Variants in XKR6 observed in about 807,000 individuals in gnomAD.
XKR6 encodes the protein XK-related protein 6.
Under a neutral mutation model 56.7 loss-of-function variants are expected in XKR6, and 22 were observed. That is an observed-to-expected ratio of 0.39 (90% CI 0.28 to 0.55). The LOEUF (loss-of-function observed/expected upper bound fraction) is 0.55. XKR6 is among the 20% of genes least tolerant of loss of function. XKR6 has a pLI of 0.66. For missense variants in XKR6, 852 were observed against 889.0 expected (o/e 0.96, Z 0.53); for synonymous variants, 524 against 387.8 (o/e 1.35, Z -4.13).
At chr8:11,026,529 T>G (rs1236854739) in intron 1 of XKR6, among the ~76,000 whole-genome samples, 1 of 150,872 alleles carries the variant, frequency 6.6e-6, no homozygotes, top group Non-Finnish European at 1.5e-5. Flanking sequence ...TGGTCTAGCC[T>G]ACTACACACC....
intron 1 of XKR6, among the ~76,000 whole-genome samples, chr8:11,002,028 C>T (rs556261969): frequency 4.6e-5 from 7 of 151,796 alleles, no homozygotes; most frequent in African/African-American, 1.5e-4. Flanking sequence ...TTAGGAAATG[C>T]CCTAAGAAGA....
intron 1 of XKR6, among the ~76,000 whole-genome samples, chr8:10,964,726 G>A (rs1802165499): frequency 6.6e-6 from 1 of 152,164 alleles, no homozygotes; most frequent in South Asian, 2.1e-4. Context: ...CCTGGTCAGG[G>A]CAGGGGCCCC....
At chr8:10,931,593 A>G (rs936272926) in intron 1 of XKR6, among the ~76,000 whole-genome samples, 6 of 152,196 alleles carry the variant, frequency 3.9e-5, no homozygotes, top group Non-Finnish European at 7.4e-5. Context: ...CCGGAAGAAG[A>G]CCCATATAAT....
intron 1 of XKR6, among the ~76,000 whole-genome samples, chr8:11,086,146 A>ATTTT (rs1341128866): frequency 1.7e-5 from 2 of 116,520 alleles, no homozygotes; most frequent in African/African-American, 4.1e-5. Context: ...ATATATATAT[A>ATTTT]TATTTTTTTT....
intron 1 of XKR6, among the ~76,000 whole-genome samples, chr8:10,975,257 C>A (rs982493576): frequency 1.3e-5 from 2 of 152,204 alleles, no homozygotes; most frequent in African/African-American, 2.4e-5. Context: ...TGGGTGGCAC[C>A]ATCCCAGGCT....
At chr8:11,121,748 C>T (rs1039116345) in intron 1 of XKR6, among the ~76,000 whole-genome samples, 20 of 152,232 alleles carry the variant, frequency 1.3e-4, no homozygotes, top group East Asian at 3.9e-4. Flanking sequence ...ATGTTTATTG[C>T]GGCACTATTC....
chr8:10,944,750 A>T (rs949680461), intron 1 of XKR6, among the ~76,000 whole-genome samples: 2 of 152,184 alleles, frequency 1.3e-5, no homozygotes, highest in Admixed American at 1.3e-4. Context: ...ACCCTAGAGC[A>T]GAGATGCCTT....
chr8:10,915,701 T>C (rs960762871), intron 2 of XKR6, among the ~76,000 whole-genome samples: 6 of 152,130 alleles, frequency 3.9e-5, no homozygotes, highest in African/African-American at 1.4e-4. Flanking sequence ...AAGAAGCCGT[T>C]TGGAGCTAGA....
intron 1 of XKR6, among the ~76,000 whole-genome samples, chr8:11,047,366 T>A (rs1390022960): frequency 6.6e-6 from 1 of 152,226 alleles, no homozygotes; most frequent in Non-Finnish European, 1.5e-5. Context: ...AATATTTTAT[T>A]TTTCAATTTT....
rs1434597175 is a variant in XKR6 at position 11,114,771 on chromosome 8, G to GTA, written c.764+85804_764+85805insTA. Among the ~76,000 whole-genome samples, 27 of 81,298 alleles carry GTA rather than the reference G, an allele frequency of 3.3e-4. 1 individual carries two copies. The highest frequency in any genetic ancestry group is 6.6e-4 in the African/African-American group (19 of 28,628). 53.3% of individuals were successfully genotyped at this position (81,298 alleles called of 152,430 possible). A position where few individuals can be genotyped will look rare whatever the true frequency, so the allele number is the denominator to read the frequency against. On this transcript the variant is annotated intron_variant, in intron 1 of 2. Coordinates refer to ENST00000416569, the MANE Select transcript of XKR6 (RefSeq NM_173683.4). ...TGTGTGTGTGTGTGTGTGTGTGTGT[G>GTA]TGTATGTGCCAGGGCAAGAAAGGTC...
intron 1 of XKR6, among the ~76,000 whole-genome samples, chr8:10,987,151 G>A (rs932936215): frequency 2.6e-5 from 4 of 152,180 alleles, no homozygotes; most frequent in Admixed American, 6.5e-5. Context: ...AGAAAGTAAT[G>A]TTTAAGCAGC....
intron 1 of XKR6, among the ~76,000 whole-genome samples, chr8:11,180,104 C>G (rs950493562): frequency 1.3e-5 from 2 of 152,024 alleles, no homozygotes; most frequent in African/African-American, 4.8e-5. Context: ...AGCACCACTG[C>G]ACTCCAGCAT....
At chr8:11,103,054 A>T (rs1798543596) in intron 1 of XKR6, among the ~76,000 whole-genome samples, 1 of 152,230 alleles carries the variant, frequency 6.6e-6, no homozygotes, top group Non-Finnish European at 1.5e-5. Context: ...TAAGATTGAT[A>T]TATTATACAT....
chr8:10,897,809 T>G lies in XKR6; in HGVS notation c.*143A>C. 9.7e-7 allele frequency: 1 copy of G among 1,025,832 alleles called. No individual in the cohort carries two copies. Among genetic ancestry groups the G allele is most frequent in the Middle Eastern group, 3.2e-4 (1 of 3,086 alleles). The allele number at this position is 1,025,832 out of a possible 1,614,324, so 63.5% of individuals were successfully genotyped here. On this transcript the variant is annotated 3_prime_UTR_variant, in exon 3 of 3. Coordinates refer to ENST00000416569, the MANE Select transcript of XKR6 (RefSeq NM_173683.4). ...TGTGACTTATTAATTCTTTTTTTTT[T>G]GTAGTGGTGGTGTTGGTGTGGCGGT...
intron 1 of XKR6, among the ~76,000 whole-genome samples, chr8:11,199,347 T>A (rs987480692): frequency 6.6e-6 from 1 of 152,214 alleles, no homozygotes; most frequent in South Asian, 2.1e-4. Flanking sequence ...TTTAAATAAA[T>A]GCTGAATAGA....
At chr8:11,012,966 G>A (rs1386049339) in intron 1 of XKR6, among the ~76,000 whole-genome samples, 1 of 152,182 alleles carries the variant, frequency 6.6e-6, no homozygotes, top group Non-Finnish European at 1.5e-5. Context: ...TGGCATGTAA[G>A]AGTCATGAGA....
intron 1 of XKR6, among the ~76,000 whole-genome samples, chr8:10,991,171 T>A (rs1382529121): frequency 6.6e-6 from 1 of 152,188 alleles, no homozygotes; most frequent in Non-Finnish European, 1.5e-5. Flanking sequence ...CCCAAAGTGC[T>A]GGGATTACAG....
intron 1 of XKR6, among the ~76,000 whole-genome samples, chr8:11,072,783 G>A (rs1800165739): frequency 6.7e-6 from 1 of 150,020 alleles, no homozygotes; most frequent in Non-Finnish European, 1.5e-5. Flanking sequence ...AGGCAAGGTA[G>A]CTCAAGCCTA....
At chr8:10,991,668 G>C (rs1474226818) in intron 1 of XKR6, among the ~76,000 whole-genome samples, 3 of 152,162 alleles carry the variant, frequency 2.0e-5, no homozygotes, top group African/African-American at 4.8e-5. Flanking sequence ...TGGGCAATCA[G>C]TGGTTAACCT....
Sources: allele counts gnomAD v4.1 joint callset (sites outside exome capture counted in the v4.1 genomes callset), GRCh38; gene constraint gnomAD v4.1.1; transcripts MANE v1.5; gene names NCBI Gene and HGNC (gene_info 2026-07-23, HGNC 2026-07-21).